ZC3H4: variants seen among roughly 807,000 people sequenced by gnomAD.
ZC3H4 encodes zinc finger CCCH-type containing 4, also known as zinc finger CCCH domain-containing protein 4.
Under a neutral mutation model 108.3 loss-of-function variants are expected in ZC3H4, and 13 were observed. The ratio of observed to expected loss-of-function variants is 0.12; its 90% CI spans 0.08 to 0.19. The LOEUF is 0.19. Among genes scored for constraint, ZC3H4 ranks in the 10% least tolerant of loss-of-function variants. The probability of loss-of-function intolerance (pLI) is 1.00; values close to 1 mark genes in which losing one functional copy is unlikely to be tolerated. For synonymous variants in ZC3H4, 917 were observed against 749.6 expected (o/e 1.22, Z -3.65); for missense variants, 1,734 against 1,838.8 (o/e 0.94, Z 1.04).
chr19:47,081,023 G>C (rs1014167500), intron 11 of ZC3H4, among the ~76,000 whole-genome samples: 1 of 152,018 alleles, frequency 6.6e-6, no homozygotes, highest in Non-Finnish European at 1.5e-5. Flanking sequence ...CCAAAGTGCT[G>C]GGATTACAGG....
chr19:47,093,070 G>C (rs1344873918), intron 4 of ZC3H4, among the ~76,000 whole-genome samples: 3 of 151,668 alleles, frequency 2.0e-5, no homozygotes, highest in Non-Finnish European at 4.4e-5. Context: ...CAAAAACTTG[G>C]CCGGGAGTGG....
At chr19:47,089,003 C>A (rs1255625196) in intron 5 of ZC3H4, among the ~76,000 whole-genome samples, 3 of 151,772 alleles carry the variant, frequency 2.0e-5, no homozygotes, top group Non-Finnish European at 4.4e-5. Flanking sequence ...GTCACGAGAT[C>A]GAGACCAGCC....
Position 47,064,721 on chromosome 19 carries a change from T to TAAAAAAAAAAAAAAAA in ZC3H4, c.*1619_*1634dup, listed in dbSNP as rs574506165. 8.8e-6 allele frequency: 1 copy of TAAAAAAAAAAAAAAAA among 113,126 alleles called. No homozygotes were observed. Among genetic ancestry groups the TAAAAAAAAAAAAAAAA allele is most frequent in the Non-Finnish European group, 1.8e-5 (1 of 56,928 alleles). The allele number at this position is 113,126 out of a possible 1,614,324, so 7.0% of individuals were successfully genotyped here. A position where few individuals can be genotyped will look rare whatever the true frequency, so the allele number is the denominator to read the frequency against. ...AAGACAAATCTCATTAATGATTGTG[T>TAAAAAAAAAAAAAAAA]AAAAAAAAAAAAAAAAAAAAAGACA... is the stretch of plus-strand genomic sequence containing the variant. On this transcript the variant is annotated 3_prime_UTR_variant, in exon 15 of 15. Transcript: ENST00000253048.
intron 2 of ZC3H4, among the ~76,000 whole-genome samples, chr19:47,096,298 G>A (rs2057818910): frequency 6.6e-6 from 1 of 152,250 alleles, no homozygotes; most frequent in Non-Finnish European, 1.5e-5. Flanking sequence ...TGACCCATGT[G>A]CACCTTGTGT....
At chr19:47,075,267 A>G (rs2057399839) in intron 11 of ZC3H4, among the ~76,000 whole-genome samples, 1 of 152,162 alleles carries the variant, frequency 6.6e-6, no homozygotes, top group Non-Finnish European at 1.5e-5. Context: ...GTGGAGGCAG[A>G]ACCCGCATTC....
chr19:47,073,792 C>G (rs989430042), intron 11 of ZC3H4, among the ~76,000 whole-genome samples: 2 of 152,238 alleles, frequency 1.3e-5, no homozygotes, highest in African/African-American at 4.8e-5. Context: ...CTCCTGCGAA[C>G]AGACTCATGC....
At chr19:47,097,915 G>C (rs961499962) in intron 2 of ZC3H4, among the ~76,000 whole-genome samples, 7 of 152,190 alleles carry the variant, frequency 4.6e-5, no homozygotes, top group Admixed American at 1.3e-4. Flanking sequence ...TCGGTCCGCT[G>C]CCCAGAGCCC....
Position 47,072,328 on chromosome 19 carries a change from G to A in ZC3H4, c.1802+24C>T. The A allele has an allele frequency of 6.2e-7, 1 of 1,608,456 alleles. No individual in the cohort carries two copies. The highest frequency in any genetic ancestry group is 8.5e-7 in the Non-Finnish European group (1 of 1,177,604). ...GGGCCCAGGACAGCGCCCACTGCCT[G>A]TCACGGGGGTCCAGGGCACTCACCT... On this transcript the variant is annotated intron_variant, in intron 12 of 14. Coordinates refer to ENST00000253048, the MANE Select transcript of ZC3H4 (RefSeq NM_015168.2). This position sits in a 1 kb window ranked among gnomAD's most constrained non-coding sequence, Gnocchi z 5.6.
Position 47,067,406 on chromosome 19 carries a change from T to G in ZC3H4, c.2862A>C (p.Ser954=), listed in dbSNP as rs769665594. 25 of 1,608,694 alleles carry G rather than the reference T, an allele frequency of 1.6e-5. No individual in the cohort carries two copies. The highest frequency in any genetic ancestry group is 1.7e-4 in the Middle Eastern group (1 of 6,040). Residue 954 remains serine (S), a synonymous_variant, in exon 15 of 15, where the codon TCA becomes TCC. Coordinates refer to ENST00000253048, the MANE Select transcript of ZC3H4 (RefSeq NM_015168.2). The surrounding 1 kb of genome is among the most constrained non-coding windows in gnomAD (Gnocchi z 6.4). ...TGATGTGGCTGAACTGCTGCAGCTG[T>G]GACCGTGGGTCCCGCAGAGGGTGCC... ...LPGHPLRDPR[S]QLQQFSHIKK...
intron 2 of ZC3H4, among the ~76,000 whole-genome samples, chr19:47,105,328 C>T (rs183149403): frequency 8.0e-4 from 122 of 152,248 alleles, no homozygotes; most frequent in African/African-American, 2.6e-3. Context: ...TGGCCAGGCG[C>T]GGTGGCTCAT....
At chr19:47,086,642 T>G (rs1003902852) in intron 5 of ZC3H4, 104 bp from the exon 6 acceptor site, 100 of 1,425,196 alleles carry the variant, frequency 7.0e-5, no homozygotes, top group African/African-American at 2.2e-4. Context: ...TTCAGCTGCC[T>G]CCTCCTCCTT....
In ZC3H4 at chr19:47,065,854, G is replaced by C. The variant is rs1177621196; in HGVS notation, c.*502C>G. ...CCTGCACTGAAAAGACAGTGATGGT[G>C]CACCCTAGGGTTCTAGAAACGCCTG... On this transcript the variant is annotated 3_prime_UTR_variant, in exon 15 of 15. Coordinates refer to ENST00000253048, the MANE Select transcript of ZC3H4 (RefSeq NM_015168.2). 1 of 153,180 alleles carries C rather than the reference G, an allele frequency of 6.5e-6. No homozygotes were observed. The highest frequency in any genetic ancestry group is 2.4e-5 in the African/African-American group (1 of 41,518). The allele number at this position is 153,180 out of a possible 1,614,324, so 9.5% of individuals were successfully genotyped here. A position where few individuals can be genotyped will look rare whatever the true frequency, so the allele number is the denominator to read the frequency against.
intron 2 of ZC3H4, among the ~76,000 whole-genome samples, chr19:47,096,251 T>A (rs1383195041): frequency 1.3e-5 from 2 of 152,178 alleles, no homozygotes; most frequent in Non-Finnish European, 1.5e-5. Context: ...GACACAAAAC[T>A]CTTTCTGCTG....
At position 47,071,564 on chromosome 19, in the gene ZC3H4, G is replaced by T. The variant is rs927785371; in HGVS notation, c.2146+214C>A. On this transcript the variant is annotated intron_variant, in intron 13 of 14. Transcript: ENST00000253048. ...CAGGCACAGCTTGCAAAATTAAAAA[G>T]AAATAACCTATATTGGTAATACACA... 3.9e-5 allele frequency among the ~76,000 whole-genome samples: 6 copies of T among 152,242 alleles called. No individual in the cohort carries two copies. The East Asian group carries it at 1.2e-3, about 29-fold the overall frequency.
intron 11 of ZC3H4, among the ~76,000 whole-genome samples, chr19:47,078,893 G>C (rs1013967878): frequency 1.3e-5 from 2 of 151,824 alleles, no homozygotes; most frequent in African/African-American, 2.4e-5. Flanking sequence ...CGGGTGTGGT[G>C]GTGGGCGCCT....
chr19:47,089,962 C>T lies in ZC3H4; in HGVS notation c.715+5G>A, dbSNP rs919176516. 7.4e-6 allele frequency: 12 copies of T among 1,614,082 alleles called. No homozygotes were observed. Among genetic ancestry groups the T allele is most frequent in the East Asian group, 2.2e-5 (1 of 44,884 alleles). On this transcript the variant is annotated splice_donor_5th_base_variant and intron_variant, in intron 5 of 14. Coordinates refer to ENST00000253048, the MANE Select transcript of ZC3H4 (RefSeq NM_015168.2). ...CAGAGGAGAAACTGTAAGGGCAGGG[C>T]TCACCTCGGCCGCGGCTGCTGCCCT...
Position 47,069,144 on chromosome 19 carries a change from C to G in ZC3H4, c.2346G>C (p.Glu782Asp). Residue 782 changes from glutamate to aspartate, a missense_variant, in exon 14 of 15, where the codon GAG becomes GAC. Around this residue, in one of 9 missense-constraint regions of ZC3H4, gnomAD observed 540 missense variants for 484.1 expected, o/e 1.12. Coordinates refer to ENST00000253048, the MANE Select transcript of ZC3H4 (RefSeq NM_015168.2). ...RIQQKQQEEE[E>D]RARRLAESSK... is the part of the protein sequence containing the mutation. ...TGCTCTCAGCCAGCCTCCTCGCTCT[C>G]TCCTCCTCCTCCTGCTGCTTCTGCT... 1 of 1,605,768 alleles carries G rather than the reference C, an allele frequency of 6.2e-7. No individual in the cohort carries two copies. The highest frequency in any genetic ancestry group is 8.5e-7 in the Non-Finnish European group (1 of 1,179,364).
At chr19:47,099,921 G>A (rs1192689179) in intron 2 of ZC3H4, among the ~76,000 whole-genome samples, 2 of 151,402 alleles carry the variant, frequency 1.3e-5, no homozygotes, top group Non-Finnish European at 2.9e-5. Flanking sequence ...CCCTTGATAA[G>A]AGGCGGCTAG....
chr19:47,093,824 A>T, intron 4 of ZC3H4, 146 bp downstream of exon 4: 1 of 577,820 alleles, frequency 1.7e-6, no homozygotes, highest in South Asian at 3.3e-5. Context: ...CAGTTTCCTC[A>T]CTCATAAAAT....
Sources: gnomAD v4.1 joint callset for allele counts (sites outside exome capture counted in the v4.1 genomes callset) on GRCh38, gnomAD v4.1.1 for gene constraint, gnomAD v4.1.1 regional missense constraint, Gnocchi (gnomAD v3.1) non-coding constraint, MANE v1.5 for transcripts, NCBI Gene and HGNC (gene_info 2026-07-23, HGNC 2026-07-21) for gene names.